The following WAPL variants were observed in gnomAD, a reference collection of about 807,000 sequenced individuals.
WAPL encodes WAPL cohesin release factor.
A neutral mutation model predicts 121.0 loss-of-function variants in WAPL; 5 were observed. That is an observed-to-expected ratio of 0.04 (90% CI 0.02 to 0.09). WAPL has a LOEUF of 0.09. WAPL is among the 10% of genes least tolerant of loss of function. The pLI is 1.00. For synonymous variants in WAPL, 480 were observed against 481.5 expected, an observed-to-expected ratio of 1.00 and a Z score of 0.04; for missense variants, 999 against 1,410.8, an observed-to-expected ratio of 0.71 and a Z score of 4.68.
Position 86,443,276 on chromosome 10 carries a change from G to A in WAPL, c.3410C>T (p.Pro1137Leu). The change falls in exon 17 of 19, where the codon CCA becomes CTA. Residue 1137 changes from proline to leucine, a missense_variant and splice_region_variant. This residue lies in a region of WAPL where 35 missense variants were observed against 80.3 expected (regional missense o/e 0.44). Transcript: ENST00000298767. ...LLLGCLCQES[P>L]INVTTVREYL... is the part of the protein sequence containing the mutation. ...AACATCACTGAACTATGTACTTACTGGACTTTCCTGGCAGAGACACCCAAG... is the reference window on the plus strand; with the variant it reads ...AACATCACTGAACTATGTACTTACTAGACTTTCCTGGCAGAGACACCCAAG... The A allele has an allele frequency of 6.2e-7, 1 of 1,611,512 alleles. No individual in the cohort carries two copies.
chr10:86,504,490 C>A, intron 2 of WAPL, among the ~76,000 whole-genome samples: 1 of 135,576 alleles, frequency 7.4e-6, no homozygotes, highest in East Asian at 3.1e-4. Context: ...GACTAGCTAA[C>A]ACGGTGACAC....
intron 1 of WAPL, among the ~76,000 whole-genome samples, chr10:86,520,766 TAAAAAAAAA>T (rs10574217): frequency 3.3e-4 from 32 of 98,112 alleles, no homozygotes; most frequent in East Asian, 1.4e-3. Context: ...CGCTGTGATT[TAAAAAAAAA>T]AAAAAAAAAA....
At chr10:86,508,638 T>C (rs1464711155) in intron 2 of WAPL, among the ~76,000 whole-genome samples, 3 of 152,180 alleles carry the variant, frequency 2.0e-5, no homozygotes, top group Non-Finnish European at 4.4e-5. Context: ...CTGAAATACT[T>C]TTACATTGGC....
intron 15 of WAPL, 98 bp from the exon 16 acceptor site, chr10:86,446,547 AACTC>A (rs1849623949): frequency 7.9e-7 from 1 of 1,263,662 alleles, no homozygotes; most frequent in African/African-American, 1.5e-5. Context: ...ATCTATCACT[AACTC>A]TAAGATGGTT....
chr10:86,479,230 A>G (rs115616904), intron 4 of WAPL, among the ~76,000 whole-genome samples: 132 of 152,334 alleles, frequency 8.7e-4, no homozygotes, highest in Middle Eastern at 3.4e-3. Context: ...AAGCCAGGAA[A>G]AAAAGGAATG....
intron 15 of WAPL, among the ~76,000 whole-genome samples, chr10:86,446,909 C>T (rs1213410768): frequency 5.9e-5 from 9 of 152,148 alleles, no homozygotes; most frequent in Non-Finnish European, 1.2e-4. Flanking sequence ...CCAAGTAGAC[C>T]TCAAAGATTT....
At chr10:86,489,282 A>G (rs1841990009) in intron 4 of WAPL, among the ~76,000 whole-genome samples, 1 of 152,218 alleles carries the variant, frequency 6.6e-6, no homozygotes, top group Non-Finnish European at 1.5e-5. Flanking sequence ...ATGGGGGTGT[A>G]GTTTAGTTGT....
chr10:86,453,183 TATG>T (rs1841040443), intron 14 of WAPL, 34 bp downstream of exon 14: 1 of 1,579,858 alleles, frequency 6.3e-7, no homozygotes, highest in Non-Finnish European at 8.7e-7. Context: ...CCTTATTAGA[TATG>T]ATACTCATTT....
chr10:86,446,370 T>G lies in WAPL; in HGVS notation c.3194A>C (p.Gln1065Pro), dbSNP rs1303768164. 1 of 1,614,098 alleles carries G rather than the reference T, an allele frequency of 6.2e-7. No homozygotes were observed. Among genetic ancestry groups the G allele is most frequent in the African/African-American group, 1.3e-5 (1 of 74,936 alleles). Residue 1065 changes from glutamine (Q) to proline (P), a missense_variant, in exon 16 of 19, where the codon CAG (glutamine) becomes CCG (proline). This residue lies in a region of WAPL where 126 missense variants were observed against 144.0 expected (regional missense o/e 0.87). Coordinates refer to ENST00000298767, the MANE Select transcript of WAPL (RefSeq NM_015045.5). Reference sequence around the variant, plus strand: ...TTGCCACTCTCCACTCTTATCATGCTGAGTGGTGGGAGCATCTTTGATCAA... The same window carrying G: ...TTGCCACTCTCCACTCTTATCATGCGGAGTGGTGGGAGCATCTTTGATCAA... ...DELIKDAPTT[Q>P]HDKSGEWQET...
chr10:86,442,055 C>G (rs1464296005), intron 17 of WAPL, among the ~76,000 whole-genome samples: 1 of 152,054 alleles, frequency 6.6e-6, no homozygotes, highest in Non-Finnish European at 1.5e-5. Context: ...TTGAAACAGT[C>G]TCACTCTGAA....
chr10:86,455,167 G>A (rs1327613476), intron 12 of WAPL, among the ~76,000 whole-genome samples: 18 of 152,002 alleles, frequency 1.2e-4, no homozygotes, highest in Non-Finnish European at 2.1e-4. Flanking sequence ...CTGCCCGGCC[G>A]CCACCCCGTC....
chr10:86,518,686 T>C (rs564390572), intron 1 of WAPL, among the ~76,000 whole-genome samples: 20 of 152,342 alleles, frequency 1.3e-4, no homozygotes, highest in South Asian at 1.2e-3. Context: ...TAATTACTTA[T>C]ATAAAATCTT....
At chr10:86,451,782 A>G (rs1840986950) in intron 15 of WAPL, among the ~76,000 whole-genome samples, 185 bp downstream of exon 15, 1 of 152,138 alleles carries the variant, frequency 6.6e-6, no homozygotes, top group African/African-American at 2.4e-5. Flanking sequence ...GTCAGGTGTA[A>G]AACAGTCCCT....
chr10:86,451,989 T>A lies in WAPL; in HGVS notation c.3092A>T (p.His1031Leu). The A allele has an allele frequency of 1.2e-6, 2 of 1,614,174 alleles. No individual in the cohort carries two copies. The highest frequency in any genetic ancestry group is 8.5e-7 in the Non-Finnish European group (1 of 1,180,028). ...DDSLRIGGQV[H>L]AVQALVQLFL... The stretch of plus-strand genomic sequence containing the variant: ...TACCTGCACTAAAGCCTGGACAGCA[T>A]GAACTTGTCCACCTATCCTTAAACT... The change falls in exon 15 of 19, where the codon CAT (histidine) becomes CTT (leucine). Residue 1031 changes from histidine (H) to leucine (L), a missense_variant. This residue lies in a region of WAPL where 126 missense variants were observed against 144.0 expected (regional missense o/e 0.87). Coordinates refer to ENST00000298767, the MANE Select transcript of WAPL (RefSeq NM_015045.5).
At chr10:86,493,834 T>C (rs561280546) in intron 4 of WAPL, among the ~76,000 whole-genome samples, 2 of 152,026 alleles carry the variant, frequency 1.3e-5, no homozygotes, top group African/African-American at 4.8e-5. Context: ...AGACCCTCCC[T>C]CTACTAAAAA....
chr10:86,469,587 G>A (rs1841488040), intron 8 of WAPL, among the ~76,000 whole-genome samples: 2 of 151,572 alleles, frequency 1.3e-5, no homozygotes, highest in Non-Finnish European at 2.9e-5. Flanking sequence ...AAATACTGAA[G>A]GTGAAATATT....
At chr10:86,442,240 A>G (rs1480088926) in intron 17 of WAPL, among the ~76,000 whole-genome samples, 1 of 152,108 alleles carries the variant, frequency 6.6e-6, no homozygotes, top group Admixed American at 6.5e-5. Context: ...CCATGTTGGC[A>G]AGGCTGGTCT....
chr10:86,515,341 G>C lies in WAPL; in HGVS notation c.499+2230C>G, dbSNP rs77531825. ...AATAGCATTCGCAGAGCCTTGTACA[G>C]TGGTTTGACGGACAGTAGGTGCTCA... is the stretch of plus-strand genomic sequence containing the variant. On this transcript the variant is annotated intron_variant, in intron 2 of 18. Coordinates refer to ENST00000298767, the MANE Select transcript of WAPL (RefSeq NM_015045.5). Among the ~76,000 whole-genome samples, 529 of 151,926 alleles carry C rather than the reference G, an allele frequency of 3.5e-3. 7 individuals are homozygous for C. In the East Asian group the frequency reaches 0.061, roughly 18 times the overall value.
At chr10:86,507,719 G>T (rs1842378228) in intron 2 of WAPL, among the ~76,000 whole-genome samples, 1 of 143,082 alleles carries the variant, frequency 7.0e-6, no homozygotes. Flanking sequence ...ATAGCCCACT[G>T]TTTTTTTTTT....
Sources: allele counts gnomAD v4.1 joint callset (sites outside exome capture counted in the v4.1 genomes callset), GRCh38; gene constraint gnomAD v4.1.1; regional missense constraint gnomAD v4.1.1; transcripts MANE v1.5; gene names NCBI Gene and HGNC (gene_info 2026-07-23, HGNC 2026-07-21).